NEBL: variants seen among roughly 807,000 people sequenced by gnomAD.
The protein encoded by NEBL is LIM and SH3 protein 2.
NEBL carries 122 observed loss-of-function variants against 140.2 expected under a neutral mutation model. That is an observed-to-expected ratio of 0.87 (90% confidence interval 0.75 to 1.01). The LOEUF is 1.01. NEBL is among the 50% of genes least tolerant of loss of function. The pLI, the probability that NEBL is intolerant of heterozygous loss-of-function variation, is 0.00. For missense variants in NEBL, 1,365 were observed against 1,231.3 expected (o/e 1.11, Z -1.62); for synonymous variants, 436 against 398.9 (o/e 1.09, Z -1.11).
chr10:21,064,064 C>T (rs1477039425), intron 2 of NEBL, among the ~76,000 whole-genome samples: 2 of 151,876 alleles, frequency 1.3e-5, no homozygotes, highest in Non-Finnish European at 2.9e-5. Context: ...AGAGGGAGAC[C>T]CTGTCTCAGA....
chr10:21,011,348 G>C (rs1838331598), intron 3 of NEBL, among the ~76,000 whole-genome samples: 1 of 152,190 alleles, frequency 6.6e-6, no homozygotes, highest in South Asian at 2.1e-4. Context: ...TTCTTTATGT[G>C]TTAGAGCTGC....
At chr10:21,175,633 T>C (rs938918076), upstream of NEBL, among the ~76,000 whole-genome samples, 4 of 152,280 alleles carry the variant, frequency 2.6e-5, no homozygotes, top group African/African-American at 9.6e-5. Context: ...ATGTAACTTC[T>C]TTAAAGGATT....
chr10:20,980,132 C>T (rs1040486996), intron 3 of NEBL, among the ~76,000 whole-genome samples: 5 of 150,950 alleles, frequency 3.3e-5, no homozygotes, highest in Non-Finnish European at 7.4e-5. Flanking sequence ...TCAAAGAACT[C>T]AATTTAAATG....
At chr10:21,175,590 A>G (rs1460681438), upstream of NEBL, among the ~76,000 whole-genome samples, 1 of 152,262 alleles carries the variant, frequency 6.6e-6, no homozygotes, top group East Asian at 1.9e-4. Flanking sequence ...GGACATATTC[A>G]TAATAATGCT....
Position 20,781,761 on chromosome 10 carries a change from TTGC to T in NEBL, c.*3983_*3985del, listed in dbSNP as rs1835051719. ...TTTTTGATCAACAGTTGACAGTTAG[TTGC>T]GAGGAAAGGGTCCAAAAGGCATGGA... On this transcript the variant is annotated 3_prime_UTR_variant, in exon 28 of 28. Coordinates refer to ENST00000377122, the MANE Select transcript of NEBL (RefSeq NM_006393.3). The T allele has an allele frequency of 6.6e-6, 1 of 152,592 alleles. No homozygotes were observed. The highest frequency in any genetic ancestry group is 1.5e-5 in the Non-Finnish European group (1 of 68,034). The allele number at this position is 152,592 out of a possible 1,614,324, so 9.5% of individuals were successfully genotyped here.
chr10:20,889,747 T>G (rs1392080694), intron 3 of NEBL, 98 bp downstream of exon 3: 1 of 798,408 alleles, frequency 1.3e-6, no homozygotes. Flanking sequence ...GTAGTGCTTT[T>G]GAAAATATTA....
At chr10:21,200,101 T>C (rs1423082214) in intron 3 of NEBL, among the ~76,000 whole-genome samples, 1 of 151,912 alleles carries the variant, frequency 6.6e-6, no homozygotes, top group African/African-American at 2.4e-5. Context: ...TGCAACTTAA[T>C]GGTGTTTCCA....
rs1165753532 is a variant in NEBL, at chr10:21,067,209, G to A, written c.165-47008C>T. On this transcript the variant is annotated intron_variant, in intron 2 of 6. Coordinates refer to the NEBL transcript ENST00000417816. ...GATGGTCTCGATCTCCTGACCTTGT[G>A]ATCCGCCCACCTCGGCCTCCCAAAG... Among the ~76,000 whole-genome samples the A allele has an allele frequency of 3.9e-5, 6 of 152,038 alleles. No homozygotes were observed. In the East Asian group the frequency reaches 7.7e-4, roughly 20 times the overall value.
intron 26 of NEBL, among the ~76,000 whole-genome samples, chr10:20,803,813 AT>A (rs199928134): frequency 0.024 from 3,062 of 129,228 alleles, 93 homozygotes; most frequent in African/African-American, 0.078. Context: ...TGTACGAAAA[AT>A]ATATATATAT....
At chr10:20,914,806 T>C (rs1432229916) in intron 4 of NEBL, among the ~76,000 whole-genome samples, 7 of 152,130 alleles carry the variant, frequency 4.6e-5, no homozygotes, top group African/African-American at 1.4e-4. Context: ...AAATTTACTA[T>C]ACATTGAGGG....
intron 1 of NEBL, among the ~76,000 whole-genome samples, chr10:21,292,773 A>G (rs1248660133): frequency 1.3e-5 from 2 of 152,200 alleles, no homozygotes; most frequent in South Asian, 2.1e-4. Flanking sequence ...AAATCTGTAT[A>G]AGGATAGATT....
intron 3 of NEBL, among the ~76,000 whole-genome samples, chr10:21,212,511 G>A (rs1291373440): frequency 6.6e-6 from 1 of 152,188 alleles, no homozygotes; most frequent in Non-Finnish European, 1.5e-5. Context: ...ACCAACACTC[G>A]TCATTTCTCA....
rs183596121 is a variant in NEBL at position 21,085,051 on chromosome 10, C to T, written c.165-64850G>A. ...AGTGTCACTGGGCTTGTCACATTCA[C>T]TGTGCCTGAATAGCTTCTTCCCAGC... On this transcript the variant is annotated intron_variant, in intron 2 of 6. Coordinates refer to the NEBL transcript ENST00000417816. 3.5e-3 allele frequency among the ~76,000 whole-genome samples: 533 copies of T among 152,336 alleles called. 5 individuals are homozygous for T. The highest frequency in any genetic ancestry group is 3.7e-3 in the Non-Finnish European group (251 of 68,024).
chr10:21,090,178 G>T (rs1836843803), intron 2 of NEBL, among the ~76,000 whole-genome samples: 1 of 152,140 alleles, frequency 6.6e-6, no homozygotes, highest in African/African-American at 2.4e-5. Flanking sequence ...TGAAGTGCTT[G>T]CAAAACAGTA....
intron 3 of NEBL, among the ~76,000 whole-genome samples, chr10:21,220,473 C>G (rs957918034): frequency 2.0e-5 from 3 of 152,092 alleles, no homozygotes; most frequent in Non-Finnish European, 4.4e-5. Context: ...GGACTTTTAT[C>G]TCCCACCATA....
chr10:20,791,159 T>C (rs569678956), intron 26 of NEBL, among the ~76,000 whole-genome samples: 4 of 152,322 alleles, frequency 2.6e-5, no homozygotes, highest in Middle Eastern at 3.4e-3. Flanking sequence ...GTAAGATTTA[T>C]TGACCAAAGA....
chr10:21,143,310 G>A (rs1031982448), intron 2 of NEBL, among the ~76,000 whole-genome samples: 1 of 151,798 alleles, frequency 6.6e-6, no homozygotes, highest in African/African-American at 2.4e-5. Context: ...TTAGCTGGGC[G>A]TGGTGGTGGG....
intron 4 of NEBL, among the ~76,000 whole-genome samples, chr10:20,918,433 C>T (rs1042409965): frequency 2.6e-5 from 4 of 152,152 alleles, no homozygotes; most frequent in Admixed American, 2.0e-4. Flanking sequence ...CAGAGCCAAT[C>T]ATTACTCATC....
At chr10:21,055,719 G>A (rs533401623) in intron 2 of NEBL, among the ~76,000 whole-genome samples, 189 of 152,292 alleles carry the variant, frequency 1.2e-3, no homozygotes, top group Admixed American at 2.5e-3. Context: ...TAGATAAACT[G>A]CAATTTACAC....
Sources: gnomAD v4.1 joint callset for allele counts (sites outside exome capture counted in the v4.1 genomes callset) on GRCh38, gnomAD v4.1.1 for gene constraint, MANE v1.5 for transcripts, NCBI Gene and HGNC (gene_info 2026-07-23, HGNC 2026-07-21) for gene names.